Variants in WIPF1 observed in about 807,000 individuals in gnomAD.
The protein encoded by WIPF1 is WAS/WASL interacting protein family member 1, also known as WAS/WASL-interacting protein family member 1.
A neutral mutation model predicts 35.4 loss-of-function variants in WIPF1; 13 were observed. The observed-to-expected ratio is 0.37, with a 90% confidence interval of 0.24 to 0.58. The LOEUF (loss-of-function observed/expected upper bound fraction) is 0.58. Among genes scored for constraint, WIPF1 ranks in the 20% least tolerant of loss-of-function variants. The probability of loss-of-function intolerance (pLI) is 0.74; values close to 1 mark genes in which losing one functional copy is unlikely to be tolerated. For synonymous variants in WIPF1, 267 were observed against 266.3 expected (o/e 1.00, Z -0.02); for missense variants, 591 against 667.0 (o/e 0.89, Z 1.25).
intron 5 of WIPF1, 54 bp from the exon 6 acceptor site, chr2:174,568,127 G>A (rs2288622): frequency 0.11 from 164,955 of 1,552,404 alleles, 10,351 homozygotes; most frequent in African/African-American, 0.29. Context: ...TTCCATTACC[G>A]TGGTCACCAT....
intron 1 of WIPF1, among the ~76,000 whole-genome samples, chr2:174,675,495 T>C (rs937451145): frequency 6.6e-6 from 1 of 152,108 alleles, no homozygotes; most frequent in Non-Finnish European, 1.5e-5. Context: ...TAGCAAGGAC[T>C]ACAGGCATAT....
At chr2:174,653,598 C>A (rs145721048) in intron 1 of WIPF1, among the ~76,000 whole-genome samples, 1 of 151,626 alleles carries the variant, frequency 6.6e-6, no homozygotes, top group African/African-American at 2.4e-5. Flanking sequence ...AAAAATTAGC[C>A]GGGTGTGGTG....
chr2:174,604,322 C>T (rs183401456), intron 1 of WIPF1, among the ~76,000 whole-genome samples: 182 of 152,276 alleles, frequency 1.2e-3, no homozygotes, highest in African/African-American at 4.1e-3. Context: ...TCTTCACAAA[C>T]GCAGATTTGT....
intron 1 of WIPF1, among the ~76,000 whole-genome samples, chr2:174,674,939 C>T (rs972214484): frequency 1.3e-5 from 2 of 148,762 alleles, no homozygotes; most frequent in South Asian, 2.1e-4. Context: ...CACACACACA[C>T]ACACACACAG....
At chr2:174,679,371 G>A (rs1325144071) in intron 1 of WIPF1, among the ~76,000 whole-genome samples, 2 of 151,984 alleles carry the variant, frequency 1.3e-5, no homozygotes, top group Non-Finnish European at 2.9e-5. Context: ...GGGAGGCTGA[G>A]GCAGAAGAAT....
chr2:174,661,207 C>G (rs531142822), intron 1 of WIPF1, among the ~76,000 whole-genome samples: 341 of 152,350 alleles, frequency 2.2e-3, no homozygotes, highest in Non-Finnish European at 2.6e-3. Context: ...CCTGACCGGG[C>G]AGGCAGGTGT....
At position 174,626,526 on chromosome 2, in the gene WIPF1, C is replaced by T. The variant is rs570954101; in HGVS notation, c.-38-40915G>A. 7.4e-4 allele frequency among the ~76,000 whole-genome samples: 113 copies of T among 152,322 alleles called. 1 individual carries two copies. The highest frequency in any genetic ancestry group is 1.9e-3 in the African/African-American group (81 of 41,570). On this transcript the variant is annotated intron_variant, in intron 1 of 8. Coordinates refer to the WIPF1 transcript ENST00000272746. ...CTGTCTCATAGACATTTCAAACTCA[C>T]TATATCCCAAACAAAAGTCTTAGTA... is the stretch of plus-strand genomic sequence containing the variant.
intron 5 of WIPF1, among the ~76,000 whole-genome samples, chr2:174,569,322 T>A (rs1684760776): frequency 6.6e-6 from 1 of 152,154 alleles, no homozygotes; most frequent in African/African-American, 2.4e-5. Flanking sequence ...CTTCAGTGCC[T>A]CACCTGGGAG....
chr2:174,614,683 A>T (rs760840030), intron 1 of WIPF1, among the ~76,000 whole-genome samples: 10 of 152,228 alleles, frequency 6.6e-5, no homozygotes, highest in Admixed American at 3.3e-4. Context: ...CATTCATGGA[A>T]AACAAGTATG....
At chr2:174,593,771 T>C (rs985136328) in intron 1 of WIPF1, among the ~76,000 whole-genome samples, 1 of 152,250 alleles carries the variant, frequency 6.6e-6, no homozygotes, top group African/African-American at 2.4e-5. Flanking sequence ...GCAACAGCTC[T>C]ACCATCCCTT....
chr2:174,605,284 T>G (rs953381973), intron 1 of WIPF1, among the ~76,000 whole-genome samples: 1 of 151,984 alleles, frequency 6.6e-6, no homozygotes, highest in Non-Finnish European at 1.5e-5. Flanking sequence ...AATACAAAAA[T>G]TAGCTGGGCG....
chr2:174,616,277 G>A (rs184884973), intron 1 of WIPF1, among the ~76,000 whole-genome samples: 7 of 152,280 alleles, frequency 4.6e-5, no homozygotes, highest in Admixed American at 2.0e-4. Context: ...TGCCAAAAGG[G>A]ATGATGAGTT....
chr2:174,567,179 C>T lies in WIPF1; in HGVS notation c.1347G>A (p.Glu449=). The part of the protein sequence containing the change: ...NGFQDSPCED[E]WESRFYFHPI... Reference sequence around the variant, plus strand: ...GATGGAAGTAGAATCTGCTTTCCCACTCATCTGGGAAGAGAAACAAGCAGT... The same window carrying T: ...GATGGAAGTAGAATCTGCTTTCCCATTCATCTGGGAAGAGAAACAAGCAGT... Residue 449 remains glutamate (E), a synonymous_variant, in exon 7 of 8, where the codon GAG becomes GAA. Coordinates refer to ENST00000679041, the MANE Select transcript of WIPF1 (RefSeq NM_001375834.1). The T allele has an allele frequency of 1.9e-6, 3 of 1,613,666 alleles. No individual in the cohort carries two copies. Among genetic ancestry groups the T allele is most frequent in the Non-Finnish European group, 2.5e-6 (3 of 1,179,572 alleles).
In WIPF1 at chr2:174,642,782, T is replaced by C. The variant is rs913185482; in HGVS notation, c.-39+39992A>G. ...CTCCTACCTCAGCCTCCCAAAGCAGTGGGATTATAGGTGTGAGCCACTGCA... is the reference window on the plus strand; with the variant it reads ...CTCCTACCTCAGCCTCCCAAAGCAGCGGGATTATAGGTGTGAGCCACTGCA... On this transcript the variant is annotated intron_variant, in intron 1 of 8. Coordinates refer to the WIPF1 transcript ENST00000272746. Among the ~76,000 whole-genome samples the C allele has an allele frequency of 2.0e-5, 3 of 149,102 alleles. 1 individual carries two copies. Among genetic ancestry groups the C allele is most frequent in the African/African-American group, 7.8e-5 (3 of 38,552 alleles).
intron 3 of WIPF1, among the ~76,000 whole-genome samples, chr2:174,578,866 T>A (rs1455881574): frequency 1.3e-5 from 2 of 152,246 alleles, no homozygotes; most frequent in Non-Finnish European, 2.9e-5. Context: ...ATATAAAATT[T>A]AAAAATTTTG....
intron 1 of WIPF1, among the ~76,000 whole-genome samples, chr2:174,637,164 T>C (rs905524253): frequency 1.3e-5 from 2 of 152,234 alleles, no homozygotes; most frequent in African/African-American, 4.8e-5. Context: ...GTTGCTCAAA[T>C]TGTTCCAGCT....
chr2:174,639,968 C>T (rs989969412), intron 1 of WIPF1, among the ~76,000 whole-genome samples: 1 of 151,946 alleles, frequency 6.6e-6, no homozygotes, highest in African/African-American at 2.4e-5. Context: ...TAGAAGCATC[C>T]AAATTGGAAA....
intron 7 of WIPF1, 123 bp downstream of exon 7, chr2:174,566,947 G>A: frequency 1.3e-6 from 1 of 794,726 alleles, no homozygotes; most frequent in Non-Finnish European, 2.0e-6. Context: ...TTACTAGAAT[G>A]TAGATGGCTC....
intron 1 of WIPF1, among the ~76,000 whole-genome samples, chr2:174,605,005 TG>T (rs1227934377): frequency 1.3e-5 from 2 of 152,144 alleles, no homozygotes; most frequent in Non-Finnish European, 2.9e-5. Flanking sequence ...GGGGCTGAAT[TG>T]GTAGTATGTT....
Sources: allele counts gnomAD v4.1 joint callset (sites outside exome capture counted in the v4.1 genomes callset), GRCh38; gene constraint gnomAD v4.1.1; transcripts MANE v1.5; gene names NCBI Gene and HGNC (gene_info 2026-07-23, HGNC 2026-07-21).